ETV7: variants seen among roughly 807,000 people sequenced by gnomAD.
ETV7 encodes transcription factor ETV7.
In ETV7, 43 loss-of-function variants were observed where a neutral mutation model predicts 39.1. The observed-to-expected ratio is 1.10, with a 90% confidence interval of 0.86 to 1.42. The LOEUF is 1.42. Ranked by LOEUF, ETV7 falls within the 40% of genes most tolerant of loss-of-function variation. The pLI, the probability that ETV7 is intolerant of heterozygous loss-of-function variation, is 0.00. For synonymous variants in ETV7, 196 were observed against 176.6 expected (o/e 1.11, Z -0.87); for missense variants, 432 against 442.3 (o/e 0.98, Z 0.21).
At chr6:36,373,601 G>GGGGGTGGGTGGC in intron 3 of ETV7, 23 bp from the exon 4 acceptor site, 1 of 475,650 alleles carries the variant, frequency 2.1e-6, no homozygotes, top group Non-Finnish European at 4.0e-6. Context: ...GGGAGGGAGG[G>GGGGGTGGGTGGC]CAGGCTGCTG....
intron 6 of ETV7, 97 bp downstream of exon 6, chr6:36,368,832 C>A: frequency 6.6e-7 from 1 of 1,508,466 alleles, no homozygotes; most frequent in Non-Finnish European, 9.0e-7. Context: ...AAGGCCCCAT[C>A]AGCTGAGGAT....
intron 7 of ETV7, among the ~76,000 whole-genome samples, chr6:36,356,338 A>C (rs1389297244): frequency 9.3e-5 from 14 of 150,928 alleles, no homozygotes; most frequent in Non-Finnish European, 1.8e-4. Flanking sequence ...AAAAAAAAAA[A>C]ACAAAAAAAA....
intron 4 of ETV7, among the ~76,000 whole-genome samples, chr6:36,372,327 G>T (rs1418908798): frequency 6.6e-6 from 1 of 152,194 alleles, no homozygotes; most frequent in South Asian, 2.1e-4. Flanking sequence ...GAGCACGGGG[G>T]AGAAGGCTGG....
rs376762930 is a variant in ETV7 at position 36,358,955 on chromosome 6, A to G, written c.909-4268T>C. On this transcript the variant is annotated intron_variant, in intron 7 of 7. Coordinates refer to the ETV7 transcript ENST00000339796. ...GGCCAGATCTAGAGAACTGAGGTCT[A>G]TTCAGGAGACTTTGTGATCTCGGTC... is the stretch of plus-strand genomic sequence containing the variant. Among the ~76,000 whole-genome samples, 4 of 152,322 alleles carry G rather than the reference A, an allele frequency of 2.6e-5. No individual in the cohort carries two copies. The East Asian group carries it at 5.8e-4, about 22-fold the overall frequency.
intron 4 of ETV7, 55 bp from the exon 5 acceptor site, chr6:36,371,615 C>A (rs979388580): frequency 3.0e-5 from 42 of 1,404,890 alleles, no homozygotes; most frequent in Non-Finnish European, 4.1e-5. Flanking sequence ...GCCTCCCCAA[C>A]TCAATCCCTC....
chr6:36,370,481 G>A (rs71569331), intron 5 of ETV7, among the ~76,000 whole-genome samples: 1,822 of 152,194 alleles, frequency 0.012, 23 homozygotes, highest in Non-Finnish European at 0.014. Context: ...GATGCAGTGA[G>A]TTGAGATCAT....
downstream of ETV7, among the ~76,000 whole-genome samples, chr6:36,363,580 G>A (rs112182509): frequency 1.3e-5 from 2 of 152,250 alleles, no homozygotes; most frequent in African/African-American, 4.8e-5. Context: ...AAGAGCAAAA[G>A]AACAAAGCTC....
In ETV7 at chr6:36,371,570, G is replaced by A; in HGVS notation, c.434-10C>T. 1 of 1,569,358 alleles carries A rather than the reference G, an allele frequency of 6.4e-7. No homozygotes were observed. Among genetic ancestry groups the A allele is most frequent in the East Asian group, 2.3e-5 (1 of 43,546 alleles). ...GAGGGGCCAGTCACCTCTGCAAGCA[G>A]ATGAGCACCAGTGGTAGCAGGCAGT... On this transcript the variant is annotated splice_polypyrimidine_tract_variant and intron_variant, in intron 4 of 7. Transcript: ENST00000340181.
chr6:36,377,427 C>T (rs746494872), intron 2 of ETV7, among the ~76,000 whole-genome samples: 4 of 152,178 alleles, frequency 2.6e-5, no homozygotes, highest in African/African-American at 4.8e-5. Flanking sequence ...CGCCACTGCA[C>T]TCCAGCCTGG....
rs200406533 is a variant in ETV7, at chr6:36,375,938, G to A, written c.240C>T (p.Phe80=). Residue 80 remains phenylalanine (F), a synonymous_variant, in exon 3 of 8, where the codon TTC becomes TTT. Transcript: ENST00000340181. ...YSLPCTAEHG[F]EMNGRALCIL... is the part of the protein sequence containing the mutation. The stretch of plus-strand genomic sequence containing the variant: ...TGCAGAGGGCGCGTCCGTTCATCTC[G>A]AACCCGTGCTCCGCGGTGCATGGCA... The A allele has an allele frequency of 8.7e-6, 14 of 1,613,758 alleles. No individual in the cohort carries two copies. Among genetic ancestry groups the A allele is most frequent in the East Asian group, 2.2e-5 (1 of 44,898 alleles).
At chr6:36,383,896 C>T (rs1773770429) in intron 2 of ETV7, among the ~76,000 whole-genome samples, 1 of 152,240 alleles carries the variant, frequency 6.6e-6, no homozygotes, top group Non-Finnish European at 1.5e-5. Flanking sequence ...CACCTCCACA[C>T]TCTGAAGGCT....
At chr6:36,354,494 A>G in exon 8 of ETV7, 1 of 530,276 alleles carries the variant, frequency 1.9e-6, no homozygotes, top group East Asian at 3.0e-5. Context: ...TCCCAACACT[A>G]TTTGTTGAAA....
Position 36,385,577 on chromosome 6 carries a change from G to A in ETV7, c.99C>T (p.Asn33=), listed in dbSNP as rs750283680. 1.7e-5 allele frequency: 28 copies of A among 1,614,124 alleles called. No homozygotes were observed. Among genetic ancestry groups the A allele is most frequent in the Non-Finnish European group, 2.4e-5 (28 of 1,180,054 alleles). ...HVQARCEAQI[N]LLGEGGICKL... The stretch of plus-strand genomic sequence containing the variant: ...TGCAGATCCCCCCTTCACCCAGCAG[G>A]TTAATTTGAGCTTCACATCTGGCTT... Residue 33 remains asparagine, a synonymous_variant, in exon 2 of 8, where the codon AAC becomes AAT. Coordinates refer to ENST00000340181, the MANE Select transcript of ETV7 (RefSeq NM_016135.4).
chr6:36,369,350 G>A (rs373228285), intron 5 of ETV7, among the ~76,000 whole-genome samples: 118 of 152,356 alleles, frequency 7.7e-4, no homozygotes, highest in Admixed American at 2.0e-3. Context: ...AAGCTCCTAA[G>A]TGGCAGGTAG....
chr6:36,369,102 G>A (rs777047503), intron 5 of ETV7, 31 bp from the exon 6 acceptor site: 15 of 1,612,636 alleles, frequency 9.3e-6, no homozygotes, highest in East Asian at 6.7e-5. Flanking sequence ...TGCAGGCAGC[G>A]CAGCTTTACT....
chr6:36,379,560 AAAGAAG>A (rs145420270), intron 2 of ETV7, among the ~76,000 whole-genome samples: 2,748 of 143,818 alleles, frequency 0.019, 44 homozygotes, highest in African/African-American at 0.042. Flanking sequence ...AAAAAAAAAA[AAAGAAG>A]AAGAAGAAGA....
intron 2 of ETV7, among the ~76,000 whole-genome samples, chr6:36,376,416 T>C (rs747058093): frequency 6.6e-6 from 1 of 152,214 alleles, no homozygotes; most frequent in Non-Finnish European, 1.5e-5. Context: ...GAACAGTGCC[T>C]GGAACACAGT....
intron 4 of ETV7, among the ~76,000 whole-genome samples, chr6:36,372,138 C>T (rs1309656550): frequency 2.0e-5 from 3 of 152,158 alleles, no homozygotes; most frequent in African/African-American, 7.2e-5. Flanking sequence ...CTCAGGCCTC[C>T]CTGACATTAG....
intron 1 of ETV7, chr6:36,386,802 G>C (rs1037644513): frequency 1.3e-5 from 2 of 152,616 alleles, no homozygotes; most frequent in African/African-American, 4.8e-5. Context: ...TCAGACCTCA[G>C]GGGTTGCCTC....
Sources: gnomAD v4.1 joint callset for allele counts (sites outside exome capture counted in the v4.1 genomes callset) on GRCh38, gnomAD v4.1.1 for gene constraint, MANE v1.5 for transcripts, NCBI Gene and HGNC (gene_info 2026-07-23, HGNC 2026-07-21) for gene names.